The following RBFOX1 variants were observed in gnomAD, a reference collection of about 807,000 sequenced individuals.
The protein encoded by RBFOX1 is RNA binding fox-1 homolog 1, also known as RNA binding protein fox-1 homolog 1.
Under a neutral mutation model 57.7 loss-of-function variants are expected in RBFOX1, and 8 were observed. The observed-to-expected ratio is 0.14, with a 90% CI of 0.08 to 0.25. The LOEUF (loss-of-function observed/expected upper bound fraction) is 0.25. Ranked by LOEUF, RBFOX1 falls within the 10% of genes least tolerant of loss-of-function variation. RBFOX1 has a pLI of 1.00. For missense variants in RBFOX1, 611 were observed against 548.5 expected (o/e 1.11, Z -1.14); for synonymous variants, 326 against 222.4 (o/e 1.47, Z -4.15).
At chr16:6,043,031 T>A (rs1426838372) in intron 1 of RBFOX1, among the ~76,000 whole-genome samples, 1 of 145,862 alleles carries the variant, frequency 6.9e-6, no homozygotes, top group Non-Finnish European at 1.5e-5. Context: ...GCACCAAGAA[T>A]CGCTTGAACC....
chr16:6,366,930 C>G (rs1052984436), intron 2 of RBFOX1, among the ~76,000 whole-genome samples: 1 of 152,210 alleles, frequency 6.6e-6, no homozygotes, highest in Non-Finnish European at 1.5e-5. Context: ...TGTGTGTCAC[C>G]TTTCACAAGG....
intron 3 of RBFOX1, among the ~76,000 whole-genome samples, chr16:6,872,436 A>G (rs1281539269): frequency 6.6e-6 from 1 of 151,980 alleles, no homozygotes; most frequent in Admixed American, 6.6e-5. Flanking sequence ...TTTAAGAACT[A>G]TTTCTAAAAA....
intron 1 of RBFOX1, among the ~76,000 whole-genome samples, chr16:6,172,322 G>C (rs746769270): frequency 5.3e-5 from 8 of 152,190 alleles, no homozygotes; most frequent in Non-Finnish European, 1.5e-5. Flanking sequence ...TGGTGGGAAA[G>C]AAGGGAAAGC....
chr16:5,358,776 G>A (rs576460341), intron 1 of RBFOX1, among the ~76,000 whole-genome samples: 3 of 152,302 alleles, frequency 2.0e-5, no homozygotes, highest in Admixed American at 2.0e-4. Context: ...GCGGTGAGCC[G>A]AGATCGCGCC....
intron 9 of RBFOX1, among the ~76,000 whole-genome samples, chr16:7,602,826 C>T (rs1568041262): frequency 1.3e-5 from 2 of 152,174 alleles, no homozygotes; most frequent in African/African-American, 4.8e-5. Context: ...GGATAAGCCA[C>T]ATGTCAGGCC....
chr16:7,386,443 T>G (rs1024370000), intron 4 of RBFOX1, among the ~76,000 whole-genome samples: 2 of 146,786 alleles, frequency 1.4e-5, no homozygotes, highest in East Asian at 4.3e-4. Context: ...TGTATTCTCA[T>G]TGTTCACCTC....
At chr16:6,272,102 A>G (rs1441796989) in intron 1 of RBFOX1, among the ~76,000 whole-genome samples, 3 of 152,192 alleles carry the variant, frequency 2.0e-5, no homozygotes, top group African/African-American at 4.8e-5. Context: ...TACCTTGATC[A>G]CATAGGGTTT....
chr16:5,864,766 T>C (rs1455202589), intron 3 of RBFOX1, among the ~76,000 whole-genome samples: 1 of 152,170 alleles, frequency 6.6e-6, no homozygotes, highest in Non-Finnish European at 1.5e-5. Flanking sequence ...GTGTTTTTTG[T>C]TTGGCTAGAA....
intron 1 of RBFOX1, among the ~76,000 whole-genome samples, chr16:6,118,565 C>G (rs1288386397): frequency 6.6e-6 from 1 of 151,886 alleles, no homozygotes; most frequent in Non-Finnish European, 1.5e-5. Context: ...CTTCCTTTCT[C>G]TTTCTCTTTC....
intron 4 of RBFOX1, among the ~76,000 whole-genome samples, chr16:7,326,691 C>G (rs2096615874): frequency 6.6e-6 from 1 of 152,056 alleles, no homozygotes; most frequent in Non-Finnish European, 1.5e-5. Flanking sequence ...GAGTAGGGCT[C>G]AAGGATGAGT....
chr16:6,216,289 A>G (rs11077012), intron 1 of RBFOX1, among the ~76,000 whole-genome samples: 1 of 151,646 alleles, frequency 6.6e-6, no homozygotes, highest in Admixed American at 6.6e-5. Flanking sequence ...AAATAAAAGT[A>G]TAAAAACCCC....
intron 3 of RBFOX1, among the ~76,000 whole-genome samples, chr16:6,820,114 C>A (rs554080223): frequency 6.6e-6 from 1 of 152,202 alleles, no homozygotes; most frequent in South Asian, 2.1e-4. Flanking sequence ...CTCATGAAAT[C>A]TGATGGTTTT....
chr16:6,708,980 CT>C (rs139304220), intron 3 of RBFOX1, among the ~76,000 whole-genome samples: 204 of 150,116 alleles, frequency 1.4e-3, no homozygotes, highest in African/African-American at 4.8e-3. Context: ...GCAAGCTTTT[CT>C]TTTTTTTTTA....
chr16:5,503,282 C>T (rs1005932875), intron 2 of RBFOX1, among the ~76,000 whole-genome samples: 12 of 152,202 alleles, frequency 7.9e-5, no homozygotes, highest in African/African-American at 4.8e-5. Context: ...GTATTACGGA[C>T]AGAGAGTTGT....
chr16:6,634,153 A>T (rs1567970559), intron 2 of RBFOX1, among the ~76,000 whole-genome samples: 1 of 152,202 alleles, frequency 6.6e-6, no homozygotes, highest in Non-Finnish European at 1.5e-5. Context: ...TGAGTAATTC[A>T]TGGAGGTTCA....
intron 3 of RBFOX1, among the ~76,000 whole-genome samples, chr16:6,930,482 T>C (rs1287114312): frequency 6.6e-6 from 1 of 151,962 alleles, no homozygotes; most frequent in Non-Finnish European, 1.5e-5. Context: ...TGATCTCGGC[T>C]CACTACAACC....
At chr16:7,477,505 C>G (rs919000341) in intron 4 of RBFOX1, among the ~76,000 whole-genome samples, 1 of 152,172 alleles carries the variant, frequency 6.6e-6, no homozygotes, top group East Asian at 1.9e-4. Flanking sequence ...CCCTTCTGCC[C>G]CCTGAATATT....
chr16:5,631,426 G>A (rs1052847830), intron 3 of RBFOX1, among the ~76,000 whole-genome samples: 3 of 152,104 alleles, frequency 2.0e-5, no homozygotes, highest in South Asian at 2.1e-4. Context: ...GTATGGTGGC[G>A]GGTGCTTGTA....
intron 1 of RBFOX1, among the ~76,000 whole-genome samples, chr16:5,262,646 C>T (rs2062763834): frequency 6.6e-6 from 1 of 152,178 alleles, no homozygotes; most frequent in African/African-American, 2.4e-5. Context: ...ACCTCTATCT[C>T]TCTGCTCTTT....
Sources: gnomAD v4.1 joint callset for allele counts (sites outside exome capture counted in the v4.1 genomes callset) on GRCh38, gnomAD v4.1.1 for gene constraint, MANE v1.5 for transcripts, NCBI Gene and HGNC (gene_info 2026-07-23, HGNC 2026-07-21) for gene names.